LONRF1: variants seen among roughly 807,000 people sequenced by gnomAD.
The protein encoded by LONRF1 is LON peptidase N-terminal domain and ring finger 1.
LONRF1 carries 37 observed loss-of-function variants against 85.8 expected under a neutral mutation model. The ratio of observed to expected loss-of-function variants is 0.43; its 90% confidence interval spans 0.33 to 0.57. The LOEUF is 0.57. Among genes scored for constraint, LONRF1 ranks in the 20% least tolerant of loss-of-function variants. LONRF1 has a pLI of 0.04. For synonymous variants in LONRF1, 517 were observed against 390.1 expected (o/e 1.33, Z -3.83); for missense variants, 1,036 against 978.0 (o/e 1.06, Z -0.79).
Position 12,737,045 on chromosome 8 carries a change from G to C in LONRF1, c.1209C>G (p.Ala403=). ...ACACTCTTTTTAAACAGTCCTCTCT[G>C]GCAGGCATTTCTGTTGAATTTATAG... ...AQSINSTEMP[A]REDCLKRVSS... The change falls in exon 5 of 12, where the codon GCC becomes GCG. Residue 403 remains alanine, a synonymous_variant. Transcript: ENST00000398246. The C allele has an allele frequency of 1.2e-6, 2 of 1,613,570 alleles. No individual in the cohort carries two copies. The highest frequency in any genetic ancestry group is 1.7e-6 in the Non-Finnish European group (2 of 1,179,670).
In LONRF1 at chr8:12,722,095, A is replaced by G. The variant is rs1805907664; in HGVS notation, c.*1001T>C. 6.6e-6 allele frequency: 1 copy of G among 152,662 alleles called. No homozygotes were observed. Among genetic ancestry groups the G allele is most frequent in the Admixed American group, 6.5e-5 (1 of 15,286 alleles). The allele number at this position is 152,662 out of a possible 1,614,324, so 9.5% of individuals were successfully genotyped here. On this transcript the variant is annotated 3_prime_UTR_variant, in exon 12 of 12. Transcript: ENST00000398246. Reference sequence around the variant, plus strand: ...GCATGGTGATCTAACTGTGATATGAATAAGGCATAACTAACATTTGCACCG... The same window carrying G: ...GCATGGTGATCTAACTGTGATATGAGTAAGGCATAACTAACATTTGCACCG...
Position 12,722,706 on chromosome 8 carries a change from T to G in LONRF1, c.*390A>C, listed in dbSNP as rs1805949731. On this transcript the variant is annotated 3_prime_UTR_variant, in exon 12 of 12. Transcript: ENST00000398246. ...CGGCAAGTTCTGCTCTCTATGGCTTTTTTGTTTGTTTGTTTTAAAATTTTA... is the reference window on the plus strand; with the variant it reads ...CGGCAAGTTCTGCTCTCTATGGCTTGTTTGTTTGTTTGTTTTAAAATTTTA... The G allele has an allele frequency of 6.5e-6, 1 of 155,030 alleles. No homozygotes were observed. The highest frequency in any genetic ancestry group is 1.4e-5 in the Non-Finnish European group (1 of 70,504). The allele number at this position is 155,030 out of a possible 1,614,324, so 9.6% of individuals were successfully genotyped here.
At chr8:12,727,849 A>G (rs1022526118) in intron 10 of LONRF1, among the ~76,000 whole-genome samples, 1 of 152,242 alleles carries the variant, frequency 6.6e-6, no homozygotes, top group Non-Finnish European at 1.5e-5. Context: ...ATAAGATAGG[A>G]CTGCCAACGT....
intron 1 of LONRF1, among the ~76,000 whole-genome samples, chr8:12,746,406 G>C (rs1478562365): frequency 6.6e-6 from 1 of 152,012 alleles, no homozygotes; most frequent in Non-Finnish European, 1.5e-5. Context: ...CCTCATTCCT[G>C]TGCTGAGCTC....
At chr8:12,732,696 T>C (rs1016019257) in intron 7 of LONRF1, among the ~76,000 whole-genome samples, 1 of 152,218 alleles carries the variant, frequency 6.6e-6, no homozygotes, top group Non-Finnish European at 1.5e-5. Context: ...ACCCATATTT[T>C]ACTGTTTTTA....
chr8:12,724,697 G>A (rs1195649436), intron 11 of LONRF1, among the ~76,000 whole-genome samples: 1 of 152,168 alleles, frequency 6.6e-6, no homozygotes, highest in African/African-American at 2.4e-5. Flanking sequence ...TCTATAAGCT[G>A]TTTTGTTATT....
intron 1 of LONRF1, among the ~76,000 whole-genome samples, chr8:12,748,399 G>A (rs995689577): frequency 1.0e-4 from 4 of 39,942 alleles, no homozygotes; most frequent in Non-Finnish European, 1.7e-4. Flanking sequence ...GTACCACTAT[G>A]TTGCCCAGGC....
intron 10 of LONRF1, among the ~76,000 whole-genome samples, chr8:12,726,156 G>C (rs190043277): frequency 1.3e-5 from 2 of 152,206 alleles, no homozygotes; most frequent in Admixed American, 1.3e-4. Flanking sequence ...CAAGTGGGAA[G>C]AGTAAGATTG....
chr8:12,725,605 C>T (rs561220711), intron 11 of LONRF1, 122 bp downstream of exon 11: 20 of 890,586 alleles, frequency 2.2e-5, no homozygotes, highest in South Asian at 8.6e-5. Context: ...GGGGCTGGTG[C>T]GGGGGAGGGG....
chr8:12,749,579 C>G (rs1563158720), intron 1 of LONRF1, among the ~76,000 whole-genome samples: 1 of 152,024 alleles, frequency 6.6e-6, no homozygotes, highest in African/African-American at 2.4e-5. Flanking sequence ...ATATAAATAA[C>G]TAGAAATCTA....
At chr8:12,754,325 C>G (rs1799537740) in intron 1 of LONRF1, 1 of 171,648 alleles carries the variant, frequency 5.8e-6, no homozygotes, top group African/African-American at 2.4e-5. Context: ...AAGCGCGCGG[C>G]AGGAAGCGAG....
At chr8:12,740,446 G>A (rs1798886886) in intron 3 of LONRF1, among the ~76,000 whole-genome samples, 1 of 152,078 alleles carries the variant, frequency 6.6e-6, no homozygotes, top group Non-Finnish European at 1.5e-5. Context: ...TATGGAAAGT[G>A]ACATATGGAG....
intron 1 of LONRF1, among the ~76,000 whole-genome samples, chr8:12,750,886 C>A (rs371194822): frequency 1.7e-4 from 26 of 152,252 alleles, no homozygotes; most frequent in African/African-American, 6.0e-4. Context: ...CCGTAACACA[C>A]TTCTACATTT....
At chr8:12,729,493 C>A (rs765436290) in intron 8 of LONRF1, 161 bp from the exon 9 acceptor site, 39 of 642,704 alleles carry the variant, frequency 6.1e-5, no homozygotes, top group Non-Finnish European at 9.6e-5. Context: ...GAACAAGAAT[C>A]AGCACCCCGT....
In LONRF1 at chr8:12,722,880, A is replaced by G. The variant is rs1051179387; in HGVS notation, c.*216T>C. The G allele has an allele frequency of 2.1e-6, 1 of 481,410 alleles. No homozygotes were observed. Among genetic ancestry groups the G allele is most frequent in the Non-Finnish European group, 3.7e-6 (1 of 268,612 alleles). 29.8% of individuals were successfully genotyped at this position (481,410 alleles called of 1,614,324 possible). A position where few individuals can be genotyped will look rare whatever the true frequency, so the allele number is the denominator to read the frequency against. ...CAACTTCACAATGTAGAGGTTCGAC[A>G]CACATTCAATGCGTGTTTTTCTGTG... On this transcript the variant is annotated 3_prime_UTR_variant, in exon 12 of 12. Coordinates refer to ENST00000398246, the MANE Select transcript of LONRF1 (RefSeq NM_152271.5).
At chr8:12,742,107 T>C (rs1159302653) in intron 2 of LONRF1, among the ~76,000 whole-genome samples, 1 of 152,210 alleles carries the variant, frequency 6.6e-6, no homozygotes, top group East Asian at 1.9e-4. Context: ...CTGTGGCAAA[T>C]CCAAAAGATT....
intron 7 of LONRF1, among the ~76,000 whole-genome samples, chr8:12,732,763 T>C (rs1474834192): frequency 1.3e-5 from 2 of 152,202 alleles, no homozygotes; most frequent in Admixed American, 6.5e-5. Context: ...TACATCTCTG[T>C]AGTTAAACTA....
chr8:12,738,576 C>CA (rs1390560084), intron 3 of LONRF1: 1 of 152,414 alleles, frequency 6.6e-6, no homozygotes, highest in Non-Finnish European at 1.5e-5. Context: ...CTTCTAACTA[C>CA]AAAACTACAA....
intron 5 of LONRF1, 35 bp downstream of exon 5, chr8:12,736,865 A>G: frequency 6.4e-7 from 1 of 1,572,294 alleles, no homozygotes; most frequent in Non-Finnish European, 8.6e-7. Flanking sequence ...GACTAAATAA[A>G]TTTATTTTAT....
Sources: gnomAD v4.1 joint callset for allele counts (sites outside exome capture counted in the v4.1 genomes callset) on GRCh38, gnomAD v4.1.1 for gene constraint, MANE v1.5 for transcripts, NCBI Gene and HGNC (gene_info 2026-07-23, HGNC 2026-07-21) for gene names.